NALF1: variants seen among roughly 807,000 people sequenced by gnomAD.
The protein encoded by NALF1 is family with sequence similarity 155 member A.
A neutral mutation model predicts 48.4 loss-of-function variants in NALF1; 3 were observed. That is an observed-to-expected ratio of 0.06 (90% CI 0.03 to 0.16). The LOEUF (loss-of-function observed/expected upper bound fraction) is 0.16. Among genes scored for constraint, NALF1 ranks in the 10% least tolerant of loss-of-function variants. NALF1 has a pLI of 1.00. For synonymous variants in NALF1, 262 were observed against 245.7 expected (o/e 1.07, Z -0.62); for missense variants, 526 against 571.5 (o/e 0.92, Z 0.81).
At chr13:107,816,154 A>C (rs2138611463) in intron 1 of NALF1, among the ~76,000 whole-genome samples, 1 of 152,284 alleles carries the variant, frequency 6.6e-6, no homozygotes, top group South Asian at 2.1e-4. Flanking sequence ...AACTCAGCAA[A>C]GATCTACAGA....
At position 107,211,427 on chromosome 13, in the gene NALF1, C is replaced by A. The variant is rs139694699; in HGVS notation, c.916-672G>T. On this transcript the variant is annotated intron_variant, in intron 1 of 2. Transcript: ENST00000375915. ...AGCCTCATCAGAGCCACAGCTTCAACCTTCTGGATGATGTGCAAGCCACAT... is the reference window on the plus strand; with the variant it reads ...AGCCTCATCAGAGCCACAGCTTCAAACTTCTGGATGATGTGCAAGCCACAT... Among the ~76,000 whole-genome samples the A allele has an allele frequency of 9.4e-3, 1,428 of 152,312 alleles. 20 individuals are homozygous for A. The highest frequency in any genetic ancestry group is 0.033 in the African/African-American group (1,374 of 41,568).
intron 1 of NALF1, among the ~76,000 whole-genome samples, chr13:107,433,691 C>CTAAT (rs1423433223): frequency 1.3e-5 from 2 of 151,934 alleles, no homozygotes; most frequent in Non-Finnish European, 2.9e-5. Flanking sequence ...AAAAAAACTT[C>CTAAT]TAATTTTGTG....
chr13:107,431,412 C>G (rs1485454006), intron 1 of NALF1, among the ~76,000 whole-genome samples: 2 of 152,186 alleles, frequency 1.3e-5, no homozygotes, highest in African/African-American at 4.8e-5. Context: ...CGTGCACACA[C>G]AAACACACAA....
At chr13:107,501,336 A>G (rs1365886027) in intron 1 of NALF1, among the ~76,000 whole-genome samples, 1 of 152,164 alleles carries the variant, frequency 6.6e-6, no homozygotes, top group African/African-American at 2.4e-5. Flanking sequence ...AACCCAGGCA[A>G]ATGCATTCAG....
chr13:107,755,637 A>AT (rs2138556555), intron 1 of NALF1, among the ~76,000 whole-genome samples: 1 of 151,840 alleles, frequency 6.6e-6, no homozygotes, highest in South Asian at 2.1e-4. Flanking sequence ...TATAATGAAC[A>AT]TATGTTGATA....
chr13:107,673,901 C>A (rs918465426), intron 1 of NALF1, among the ~76,000 whole-genome samples: 9 of 151,998 alleles, frequency 5.9e-5, no homozygotes, highest in Admixed American at 3.3e-4. Flanking sequence ...TGGATCTGGT[C>A]CACTTGAAGA....
At position 107,342,921 on chromosome 13, in the gene NALF1, C is replaced by T. The variant is rs141542160; in HGVS notation, c.916-132166G>A. On this transcript the variant is annotated intron_variant, in intron 1 of 2. Transcript: ENST00000375915. ...GTGAAGGGAGAATTCAACATTAACA[C>T]AGTAACAGGAGGAGATCTTAACACC... 1.7e-3 allele frequency among the ~76,000 whole-genome samples: 264 copies of T among 152,222 alleles called. 1 individual carries two copies. The highest frequency in any genetic ancestry group is 6.1e-3 in the African/African-American group (255 of 41,538).
At chr13:107,210,236 ACAT>A (rs1320584194) in intron 2 of NALF1, among the ~76,000 whole-genome samples, 3 of 152,218 alleles carry the variant, frequency 2.0e-5, no homozygotes, top group African/African-American at 7.2e-5. Flanking sequence ...TGGCCTTAGC[ACAT>A]CTCCTGTTCT....
intron 1 of NALF1, among the ~76,000 whole-genome samples, chr13:107,828,602 TCTATACAC>T (rs1313629792): frequency 1.0e-3 from 45 of 43,328 alleles, no homozygotes; most frequent in Admixed American, 2.6e-3. Context: ...TATATCTATA[TCTATACAC>T]ACACACACAC....
intron 1 of NALF1, among the ~76,000 whole-genome samples, chr13:107,622,599 T>C (rs1879555495): frequency 6.6e-6 from 1 of 152,170 alleles, no homozygotes; most frequent in South Asian, 2.1e-4. Flanking sequence ...AAAAATATAC[T>C]GTACAGTACC....
intron 1 of NALF1, among the ~76,000 whole-genome samples, chr13:107,824,048 C>T (rs1353039542): frequency 1.3e-5 from 2 of 151,584 alleles, no homozygotes; most frequent in African/African-American, 2.4e-5. Flanking sequence ...TTCCTGTTTT[C>T]CTTATCCTGT....
chr13:107,733,212 T>A (rs1006573334), intron 1 of NALF1, among the ~76,000 whole-genome samples: 7 of 152,214 alleles, frequency 4.6e-5, no homozygotes, highest in African/African-American at 1.7e-4. Flanking sequence ...TTATGCCGAC[T>A]TAAACTGTCT....
chr13:107,711,826 G>A (rs1039312904), intron 1 of NALF1, among the ~76,000 whole-genome samples: 84 of 152,174 alleles, frequency 5.5e-4, no homozygotes, highest in African/African-American at 2.0e-3. Context: ...AAGAATGTAT[G>A]TTTTTTACTG....
At chr13:107,222,451 C>T (rs1377497476) in intron 1 of NALF1, among the ~76,000 whole-genome samples, 2 of 152,112 alleles carry the variant, frequency 1.3e-5, no homozygotes, top group Non-Finnish European at 2.9e-5. Flanking sequence ...TTATACAACA[C>T]ACACAGAGCA....
chr13:107,512,170 G>A (rs1875914260), intron 1 of NALF1, among the ~76,000 whole-genome samples: 1 of 152,196 alleles, frequency 6.6e-6, no homozygotes, highest in South Asian at 2.1e-4. Flanking sequence ...CAAGGCGGGT[G>A]GATCACGAGG....
chr13:107,316,186 T>G (rs2138909001), intron 1 of NALF1, among the ~76,000 whole-genome samples: 1 of 152,248 alleles, frequency 6.6e-6, no homozygotes, highest in African/African-American at 2.4e-5. Context: ...CTGAGAATGA[T>G]GGTTTCCAGC....
chr13:107,712,051 C>A (rs1056159315), intron 1 of NALF1, among the ~76,000 whole-genome samples: 1 of 151,782 alleles, frequency 6.6e-6, no homozygotes, highest in Non-Finnish European at 1.5e-5. Context: ...CAAATAAAAC[C>A]ATGATTATAT....
Position 107,866,538 on chromosome 13 carries a change from G to A in NALF1, c.59C>T (p.Ala20Val). Residue 20 changes from alanine to valine, a missense_variant, in exon 1 of 3, where the codon GCA becomes GTA. By Grantham distance (64) the Ala-to-Val change is moderately conservative. Transcript: ENST00000375915. The surrounding 1 kb of genome is among the most constrained non-coding windows in gnomAD (Gnocchi z 4.4). ...CGGTTTCTCGTTCTCTCGGGGTGCTGCCAACCAGATTTTTAAGCCGTCGTC... is the reference window on the plus strand; with the variant it reads ...CGGTTTCTCGTTCTCTCGGGGTGCTACCAACCAGATTTTTAAGCCGTCGTC... ...QYDDGLKIWL[A>V]APRENEKPFI... The A allele has an allele frequency of 6.2e-7, 1 of 1,613,232 alleles. No individual in the cohort carries two copies. Among genetic ancestry groups the A allele is most frequent in the Non-Finnish European group, 8.5e-7 (1 of 1,179,976 alleles).
rs1157720749 is a variant in NALF1, at chr13:107,310,819, C to T, written c.916-100064G>A. 4.6e-5 allele frequency among the ~76,000 whole-genome samples: 7 copies of T among 151,872 alleles called. No individual in the cohort carries two copies. The East Asian group carries it at 7.8e-4, about 17-fold the overall frequency. The stretch of plus-strand genomic sequence containing the variant: ...TAGTCTGCAAAGTAGCTGGGACTAC[C>T]GGCACCCACCACCACACCTGGCTAA... On this transcript the variant is annotated intron_variant, in intron 1 of 2. Coordinates refer to ENST00000375915, the MANE Select transcript of NALF1 (RefSeq NM_001080396.3).
Sources: allele counts gnomAD v4.1 joint callset (sites outside exome capture counted in the v4.1 genomes callset), GRCh38; gene constraint gnomAD v4.1.1; non-coding constraint Gnocchi (gnomAD v3.1); transcripts MANE v1.5; gene names NCBI Gene and HGNC (gene_info 2026-07-23, HGNC 2026-07-21).